SLC27A6: variants seen among roughly 807,000 people sequenced by gnomAD.
The protein encoded by SLC27A6 is solute carrier family 27 member 6, also known as long-chain fatty acid transport protein 6.
In SLC27A6, 74 loss-of-function variants were observed where a neutral mutation model predicts 63.9. The ratio of observed to expected loss-of-function variants is 1.16; its 90% CI spans 0.96 to 1.40. The LOEUF (loss-of-function observed/expected upper bound fraction) is 1.40, where lower values mean the gene tolerates loss of function less well. SLC27A6 is among the 40% of genes most tolerant of loss of function. The pLI, the probability that SLC27A6 is intolerant of heterozygous loss-of-function variation, is 0.00. For missense variants in SLC27A6, 794 were observed against 732.9 expected (o/e 1.08, Z -0.96); for synonymous variants, 287 against 260.8 (o/e 1.10, Z -0.97).
At chr5:128,974,911 T>C (rs1580702168) in intron 1 of SLC27A6, among the ~76,000 whole-genome samples, 1 of 152,262 alleles carries the variant, frequency 6.6e-6, no homozygotes, top group Non-Finnish European at 1.5e-5. Context: ...TCTTATTGTA[T>C]TTAAATGATT....
At chr5:129,000,155 G>T (rs1261145664) in intron 4 of SLC27A6, among the ~76,000 whole-genome samples, 1 of 152,136 alleles carries the variant, frequency 6.6e-6, no homozygotes, top group South Asian at 2.1e-4. Flanking sequence ...GAGCAGTCAC[G>T]CATGAAGAAT....
At chr5:129,003,227 A>G (rs1322277018) in intron 4 of SLC27A6, among the ~76,000 whole-genome samples, 1 of 152,110 alleles carries the variant, frequency 6.6e-6, no homozygotes, top group African/African-American at 2.4e-5. Flanking sequence ...GTCTCTGTGA[A>G]TTTGTCTAAG....
At chr5:128,972,944 C>T (rs941434621) in intron 1 of SLC27A6, among the ~76,000 whole-genome samples, 1 of 152,104 alleles carries the variant, frequency 6.6e-6, no homozygotes, top group Non-Finnish European at 1.5e-5. Flanking sequence ...CTACAGATGG[C>T]GTTTTCATGT....
intron 6 of SLC27A6, 29 bp from the exon 7 acceptor site, chr5:129,027,104 G>T: frequency 6.3e-7 from 1 of 1,581,008 alleles, no homozygotes; most frequent in South Asian, 1.1e-5. Context: ...TTAATCAGAT[G>T]GCTGCAAAAA....
intron 5 of SLC27A6, among the ~76,000 whole-genome samples, chr5:129,021,342 A>ATT (rs1402011908): frequency 6.6e-6 from 1 of 151,854 alleles, no homozygotes; most frequent in Non-Finnish European, 1.5e-5. Flanking sequence ...CTCTACTACT[A>ATT]TTTCACTTCG....
intron 4 of SLC27A6, among the ~76,000 whole-genome samples, chr5:129,011,082 G>A (rs1751710948): frequency 6.6e-6 from 1 of 152,102 alleles, no homozygotes; most frequent in Admixed American, 6.5e-5. Context: ...GCTTTCAATT[G>A]AGACTTAATA....
At chr5:128,988,861 T>G in intron 3 of SLC27A6, 103 bp downstream of exon 3, 1 of 789,062 alleles carries the variant, frequency 1.3e-6, no homozygotes, top group Non-Finnish European at 2.0e-6. Context: ...AGAGTGATTA[T>G]ATGCATATTA....
chr5:129,023,554 TACAAGTAACTAAATGC>T lies in SLC27A6; in HGVS notation c.1165-49_1165-34del, dbSNP rs984093450. 1.1e-5 allele frequency: 13 copies of T among 1,158,492 alleles called. No individual in the cohort carries two copies. In the African/African-American group the frequency reaches 1.7e-4, roughly 15 times the overall value. 71.8% of individuals were successfully genotyped at this position (1,158,492 alleles called of 1,614,324 possible). A position where few individuals can be genotyped will look rare whatever the true frequency, so the allele number is the denominator to read the frequency against. On this transcript the variant is annotated intron_variant, in intron 5 of 9. Coordinates refer to ENST00000262462, the MANE Select transcript of SLC27A6 (RefSeq NM_001017372.3). ...CTACTACAGTAGACTAAATTGCTTG[TACAAGTAACTAAATGC>T]ACAAGTAACTAAATGCTTGTTTCTA... is the stretch of plus-strand genomic sequence containing the variant.
chr5:129,030,348 A>C (rs1360301531), intron 9 of SLC27A6, among the ~76,000 whole-genome samples: 1 of 151,968 alleles, frequency 6.6e-6, no homozygotes, highest in African/African-American at 2.4e-5. Flanking sequence ...AATTTCCCAA[A>C]ATTATTACTC....
chr5:128,996,165 A>G (rs10038279), intron 4 of SLC27A6, among the ~76,000 whole-genome samples: 37,965 of 152,062 alleles, frequency 0.25, 5,830 homozygotes, highest in East Asian at 0.7. Flanking sequence ...ATAGTGTGAT[A>G]CATGTATGAT....
At chr5:129,008,941 G>C (rs560791665) in intron 4 of SLC27A6, among the ~76,000 whole-genome samples, 1 of 141,232 alleles carries the variant, frequency 7.1e-6, no homozygotes, top group Admixed American at 7.5e-5. Context: ...ATCTTGGCTC[G>C]TTGCAACCTC....
intron 4 of SLC27A6, among the ~76,000 whole-genome samples, chr5:128,993,344 C>T (rs1461045172): frequency 6.6e-6 from 1 of 152,138 alleles, no homozygotes; most frequent in Admixed American, 6.6e-5. Context: ...ATGAATTAAA[C>T]CCAATTTCCT....
chr5:129,028,182 C>A (rs1261825797), intron 7 of SLC27A6, among the ~76,000 whole-genome samples, 163 bp from the exon 8 acceptor site: 1 of 151,964 alleles, frequency 6.6e-6, no homozygotes, highest in Non-Finnish European at 1.5e-5. Flanking sequence ...TGTTGAAATA[C>A]CAACAAAGTG....
intron 5 of SLC27A6, among the ~76,000 whole-genome samples, chr5:129,016,999 C>T (rs559269835): frequency 6.6e-6 from 1 of 152,064 alleles, no homozygotes; most frequent in Non-Finnish European, 1.5e-5. Context: ...TTTAAGAATG[C>T]AGGCAAAAAT....
In SLC27A6 at chr5:129,012,032, G is replaced by A. The variant is rs367875079; in HGVS notation, c.970-3853G>A. ...ATATTATAGTTTGGTGTAAGTATAT[G>A]CACATACATACGTGTATTATATAAA... On this transcript the variant is annotated intron_variant, in intron 4 of 9. Transcript: ENST00000262462. Among the ~76,000 whole-genome samples, 29 of 151,604 alleles carry A rather than the reference G, an allele frequency of 1.9e-4. 1 individual carries two copies. In the South Asian group the frequency reaches 5.6e-3, roughly 29 times the overall value.
At chr5:129,022,281 T>G (rs188713017) in intron 5 of SLC27A6, among the ~76,000 whole-genome samples, 6 of 152,328 alleles carry the variant, frequency 3.9e-5, no homozygotes, top group Non-Finnish European at 7.3e-5. Context: ...GTTTTGATGA[T>G]TACATTAAAT....
intron 4 of SLC27A6, among the ~76,000 whole-genome samples, chr5:129,009,339 A>G (rs1751646683): frequency 6.6e-6 from 1 of 152,074 alleles, no homozygotes. Flanking sequence ...TAAAATATGT[A>G]TTCTACTATT....
chr5:129,020,129 AAC>A (rs1752026800), intron 5 of SLC27A6, among the ~76,000 whole-genome samples: 1 of 152,156 alleles, frequency 6.6e-6, no homozygotes, highest in African/African-American at 2.4e-5. Context: ...CTCAAAATAA[AAC>A]ACTCAAGGCT....
intron 1 of SLC27A6, among the ~76,000 whole-genome samples, chr5:128,968,652 T>C (rs1282020662): frequency 1.3e-5 from 2 of 152,242 alleles, no homozygotes; most frequent in Middle Eastern, 3.2e-3. Flanking sequence ...CTTTGTAGAT[T>C]CTAGATATTA....
Sources: gnomAD v4.1 joint callset for allele counts (sites outside exome capture counted in the v4.1 genomes callset) on GRCh38, gnomAD v4.1.1 for gene constraint, MANE v1.5 for transcripts, NCBI Gene and HGNC (gene_info 2026-07-23, HGNC 2026-07-21) for gene names.